Variants in ICE1 observed in about 807,000 individuals in gnomAD.
ICE1 encodes interactor of little elongation complex ELL subunit 1.
A neutral mutation model predicts 192.7 loss-of-function variants in ICE1; 64 were observed. The observed-to-expected ratio is 0.33, with a 90% CI of 0.27 to 0.41. The LOEUF (loss-of-function observed/expected upper bound fraction) is 0.41, where lower values mean the gene tolerates loss of function less well. ICE1 is among the 10% of genes least tolerant of loss of function. ICE1 has a pLI of 1.00. For synonymous variants in ICE1, 1,010 were observed against 984.5 expected (o/e 1.03, Z -0.49); for missense variants, 2,708 against 2,696.0 (o/e 1.00, Z -0.10).
Position 5,463,445 on chromosome 5 carries a change from G to A in ICE1, c.4111G>A (p.Ala1371Thr). 6.2e-7 allele frequency: 1 copy of A among 1,613,098 alleles called. No homozygotes were observed. The highest frequency in any genetic ancestry group is 8.5e-7 in the Non-Finnish European group (1 of 1,179,508). The change falls in exon 13 of 19, where the codon GCC (alanine) becomes ACC (threonine). Residue 1371 changes from alanine (A) to threonine (T), a missense_variant. Coordinates refer to ENST00000296564, the MANE Select transcript of ICE1 (RefSeq NM_015325.3). ...CCTGCCAGAACCTGTGGAGCCATCA[G>A]CCTTGTGCTCTGACTCTGTGATGGA... ...EDLPEPVEPSALCSDSVMEPS... is the reference protein window; with the variant it reads ...EDLPEPVEPSTLCSDSVMEPS...
chr5:5,444,400 C>A (rs1228426621), intron 7 of ICE1, 74 bp downstream of exon 7: 37 of 1,005,894 alleles, frequency 3.7e-5, no homozygotes, highest in Non-Finnish European at 5.4e-5. Flanking sequence ...GGAGGTACTT[C>A]TTGATCAAAT....
At chr5:5,484,346 G>C (rs561385847) in intron 17 of ICE1, among the ~76,000 whole-genome samples, 16 of 152,294 alleles carry the variant, frequency 1.1e-4, no homozygotes, top group African/African-American at 3.8e-4. Flanking sequence ...TCCTGGGAAC[G>C]CATGCACATC....
At chr5:5,446,040 A>C (rs949163655) in intron 7 of ICE1, among the ~76,000 whole-genome samples, 1 of 149,306 alleles carries the variant, frequency 6.7e-6, no homozygotes, top group Non-Finnish European at 1.5e-5. Context: ...TTTTTTAGAG[A>C]CAGGTCTCAC....
At chr5:5,429,800 A>T (rs747195323) in intron 1 of ICE1, among the ~76,000 whole-genome samples, 42 of 152,342 alleles carry the variant, frequency 2.8e-4, no homozygotes, top group Middle Eastern at 3.4e-3. Flanking sequence ...CATGGGCATC[A>T]GCATTCACAG....
rs746875154 is a variant in ICE1 at position 5,457,421 on chromosome 5, A to G, written c.781A>G (p.Asn261Asp). 10 of 1,613,886 alleles carry G rather than the reference A, an allele frequency of 6.2e-6. No individual in the cohort carries two copies. The South Asian group carries it at 6.6e-5, about 11-fold the overall frequency. ...PTQGSPLRTSNVQTCLTKLSM... is the reference protein window; with the variant it reads ...PTQGSPLRTSDVQTCLTKLSM... ...ACAGGGCAGCCCTCTCAGGACCTCA[A>G]ATGTGCAGACATGCCTCACAAAACT... is the stretch of plus-strand genomic sequence containing the variant. The change falls in exon 12 of 19, where the codon AAT becomes GAT. Residue 261 changes from asparagine (N) to aspartate (D), a missense_variant. By Grantham distance (23) the Asn-to-Asp change is conservative. Around this residue, in one of 2 missense-constraint regions of ICE1, gnomAD observed 2,366 missense variants for 2,276.6 expected, o/e 1.04. Coordinates refer to ENST00000296564, the MANE Select transcript of ICE1 (RefSeq NM_015325.3).
At chr5:5,423,114 C>A in intron 1 of ICE1, 115 bp downstream of exon 1, 1 of 525,780 alleles carries the variant, frequency 1.9e-6, no homozygotes, top group Non-Finnish European at 2.9e-6. Context: ...GCTCTCCCTT[C>A]CCAACCGTAG....
chr5:5,456,844 A>G (rs899732917), intron 11 of ICE1, among the ~76,000 whole-genome samples: 1 of 152,234 alleles, frequency 6.6e-6, no homozygotes, highest in Non-Finnish European at 1.5e-5. Context: ...CTGAGTATTC[A>G]TAGACCTCGT....
At position 5,460,674 on chromosome 5, in the gene ICE1, C is replaced by T. The variant is rs776442757; in HGVS notation, c.1340C>T (p.Ala447Val). The change falls in exon 13 of 19, where the codon GCA becomes GTA. Residue 447 changes from alanine (A) to valine (V), a missense_variant. Around this residue, in one of 2 missense-constraint regions of ICE1, gnomAD observed 2,366 missense variants for 2,276.6 expected, o/e 1.04. Transcript: ENST00000296564. ...ACTTCTGGACTCGAGACTTTCACAG[C>T]AACACTGAGAGAATCTTCTGCCACA... ...VTTSGLETFT[A>V]TLRESSATHS... is the part of the protein sequence containing the mutation. 32 of 1,613,806 alleles carry T rather than the reference C, an allele frequency of 2.0e-5. No individual in the cohort carries two copies. The highest frequency in any genetic ancestry group is 1.6e-4 in the Middle Eastern group (1 of 6,084).
chr5:5,447,612 T>G (rs1187354433), intron 8 of ICE1, 103 bp downstream of exon 8: 2 of 1,364,488 alleles, frequency 1.5e-6, no homozygotes, highest in Non-Finnish European at 2.0e-6. Context: ...TGAGGCCCCC[T>G]GGCAAAAACA....
chr5:5,461,997 T>TA lies in ICE1; in HGVS notation c.2665dup (p.Thr889AsnfsTer4). On this transcript the variant is annotated frameshift_variant, in exon 13 of 19. Transcript: ENST00000296564. LOFTEE classifies it high-confidence loss of function. ...CCACATAGGGTTGAGCCTACCTTAG[T>TA]AACAGAAAATAGTGGCAACAAAACC... 6.2e-7 allele frequency: 1 copy of TA among 1,613,958 alleles called. No individual in the cohort carries two copies. Among genetic ancestry groups the TA allele is most frequent in the Non-Finnish European group, 8.5e-7 (1 of 1,179,892 alleles).
intron 17 of ICE1, among the ~76,000 whole-genome samples, chr5:5,478,312 A>G (rs1230349602): frequency 2.0e-5 from 3 of 152,256 alleles, no homozygotes; most frequent in Admixed American, 2.0e-4. Context: ...CCTATATATC[A>G]GTAATAGACA....
chr5:5,481,774 T>TGAA (rs1739509291), intron 17 of ICE1, among the ~76,000 whole-genome samples: 1 of 152,238 alleles, frequency 6.6e-6, no homozygotes, highest in African/African-American at 2.4e-5. Flanking sequence ...ACCCTTTCTA[T>TGAA]GTTTAGATAC....
intron 1 of ICE1, among the ~76,000 whole-genome samples, chr5:5,424,005 T>C (rs1450876341): frequency 6.6e-6 from 1 of 152,188 alleles, no homozygotes; most frequent in East Asian, 1.9e-4. Flanking sequence ...CTTTCAGATA[T>C]TTGAATAATG....
intron 16 of ICE1, among the ~76,000 whole-genome samples, chr5:5,474,527 G>C (rs1001943299): frequency 6.6e-6 from 1 of 152,222 alleles, no homozygotes; most frequent in Non-Finnish European, 1.5e-5. Context: ...AGCAGCTTCT[G>C]TCACCTGGGA....
chr5:5,462,520 G>A lies in ICE1; in HGVS notation c.3186G>A (p.Glu1062=). 6.2e-7 allele frequency: 1 copy of A among 1,614,016 alleles called. No homozygotes were observed. The highest frequency in any genetic ancestry group is 8.5e-7 in the Non-Finnish European group (1 of 1,179,892). The change falls in exon 13 of 19, where the codon GAG becomes GAA. Residue 1062 remains glutamate (E), a synonymous_variant. Coordinates refer to ENST00000296564, the MANE Select transcript of ICE1 (RefSeq NM_015325.3). The part of the protein sequence containing the change: ...KSTTPGGALP[E]CFGTTDTTFS... ...CAACTCCCGGTGGTGCTTTGCCTGAGTGTTTTGGCACCACAGACACTACTT... is the reference window on the plus strand; with the variant it reads ...CAACTCCCGGTGGTGCTTTGCCTGAATGTTTTGGCACCACAGACACTACTT...
Position 5,463,911 on chromosome 5 carries a change from A to G in ICE1, c.4577A>G (p.Tyr1526Cys), listed in dbSNP as rs199964659. Residue 1526 changes from tyrosine (Y) to cysteine (C), a missense_variant, in exon 13 of 19, where the codon TAT (tyrosine) becomes TGT (cysteine). Coordinates refer to ENST00000296564, the MANE Select transcript of ICE1 (RefSeq NM_015325.3). ...KPSIWISSQI[Y>C]DQNFETQIVA... ...AGTATATGGATTAGTTCTCAAATCT[A>G]TGATCAAAACTTCGAGACTCAGATT... The G allele has an allele frequency of 1.0e-4, 162 of 1,613,878 alleles. No homozygotes were observed. The highest frequency in any genetic ancestry group is 1.6e-4 in the Middle Eastern group (1 of 6,084).
Position 5,439,908 on chromosome 5 carries a change from A to G in ICE1, c.192A>G (p.Ala64=), listed in dbSNP as rs1309871345. 1 of 1,557,846 alleles carries G rather than the reference A, an allele frequency of 6.4e-7. No individual in the cohort carries two copies. The highest frequency in any genetic ancestry group is 2.4e-5 in the East Asian group (1 of 42,538). Residue 64 remains alanine (A), a synonymous_variant, in exon 4 of 19, where the codon GCA becomes GCG. Coordinates refer to ENST00000296564, the MANE Select transcript of ICE1 (RefSeq NM_015325.3). The part of the protein sequence containing the change: ...YQKKCDELQF[A]RRENSNLHHQ... ...AATAAGTTTTACAGCTGCAGTTTGC[A>G]AGAAGGTGAGCCAACCTGTTTCATA...
intron 12 of ICE1, among the ~76,000 whole-genome samples, chr5:5,459,117 C>T (rs932827615): frequency 2.0e-5 from 3 of 152,166 alleles, no homozygotes; most frequent in Non-Finnish European, 2.9e-5. Context: ...TCGTGATCTG[C>T]CTGCCTCGGC....
chr5:5,423,064 G>T, intron 1 of ICE1, 65 bp downstream of exon 1: 2 of 1,153,724 alleles, frequency 1.7e-6, no homozygotes, highest in Non-Finnish European at 2.2e-6. Context: ...GGAGCGCAGG[G>T]ATGTGGGGTC....
Sources: gnomAD v4.1 joint callset for allele counts (sites outside exome capture counted in the v4.1 genomes callset) on GRCh38, gnomAD v4.1.1 for gene constraint, gnomAD v4.1.1 regional missense constraint, MANE v1.5 for transcripts, NCBI Gene and HGNC (gene_info 2026-07-23, HGNC 2026-07-21) for gene names.